MAP4K1: variants seen among roughly 807,000 people sequenced by gnomAD.
MAP4K1 encodes the protein MAPK/ERK kinase kinase kinase 1.
MAP4K1 carries 35 observed loss-of-function variants against 122.8 expected under a neutral mutation model. That is an observed-to-expected ratio of 0.29 (90% CI 0.22 to 0.38). The LOEUF is 0.38. Ranked by LOEUF, MAP4K1 falls within the 10% of genes least tolerant of loss-of-function variation. The pLI is 1.00. For missense variants in MAP4K1, 791 were observed against 1,072.6 expected, an observed-to-expected ratio of 0.74 and a Z score of 3.67; for synonymous variants, 412 against 421.3, an observed-to-expected ratio of 0.98 and a Z score of 0.27.
At chr19:38,596,638 C>T (rs1974896198) in intron 25 of MAP4K1, 152 bp from the exon 26 acceptor site, 1 of 712,592 alleles carries the variant, frequency 1.4e-6, no homozygotes, top group Non-Finnish European at 2.2e-6. Context: ...CCTGGTGCCT[C>T]CGCGGGAACG....
At chr19:38,602,617 C>T (rs1245916749) in intron 19 of MAP4K1, among the ~76,000 whole-genome samples, 1 of 147,114 alleles carries the variant, frequency 6.8e-6, no homozygotes, top group East Asian at 2.0e-4. Flanking sequence ...CATATATATA[C>T]ACATATACAT....
chr19:38,591,571 A>AT (rs1443472078), intron 30 of MAP4K1, among the ~76,000 whole-genome samples: 3 of 151,544 alleles, frequency 2.0e-5, no homozygotes, highest in Non-Finnish European at 4.4e-5. Flanking sequence ...GATAAAAGGG[A>AT]TTTTTGCAAC....
Position 38,610,037 on chromosome 19 carries a change from AAG to A in MAP4K1, c.811-14_811-13del, listed in dbSNP as rs1385647513. ...GATACCAGTTGATGCTGGCGGAGGG[AAG>A]AGGTGTCCGTATCCAGAGGGATGGT... On this transcript the variant is annotated splice_polypyrimidine_tract_variant and intron_variant, in intron 11 of 30. Coordinates refer to ENST00000396857, the MANE Select transcript of MAP4K1 (RefSeq NM_001042600.3). 2 of 1,585,650 alleles carry A rather than the reference AAG, an allele frequency of 1.3e-6. No individual in the cohort carries two copies.
chr19:38,602,439 TAC>T (rs940912659), intron 19 of MAP4K1, among the ~76,000 whole-genome samples: 149 of 146,530 alleles, frequency 1.0e-3, no homozygotes, highest in Middle Eastern at 3.5e-3. Flanking sequence ...CACATATATA[TAC>T]ACACACACAT....
At chr19:38,612,791 G>A in intron 8 of MAP4K1, 49 bp from the exon 9 acceptor site, 1 of 1,599,250 alleles carries the variant, frequency 6.3e-7, no homozygotes, top group Non-Finnish European at 8.5e-7. Flanking sequence ...GGGACAGGAA[G>A]GGAAGGAGGG....
At chr19:38,600,978 G>C (rs1246665637) in intron 20 of MAP4K1, among the ~76,000 whole-genome samples, 2 of 151,842 alleles carry the variant, frequency 1.3e-5, no homozygotes, top group African/African-American at 2.4e-5. Flanking sequence ...GCTAATTTTT[G>C]TGTTTTTAGT....
At chr19:38,590,872 G>A (rs1974706240) in intron 30 of MAP4K1, among the ~76,000 whole-genome samples, 1 of 151,904 alleles carries the variant, frequency 6.6e-6, no homozygotes, top group Non-Finnish European at 1.5e-5. Flanking sequence ...GTAACATTAT[G>A]TCCTTGCTTT....
rs1975586474 is a variant in MAP4K1, at chr19:38,614,371, T to C, written c.369+19A>G. ...CCACCCTCCCCTCCCATCCCCAGAA[T>C]CCCCAGGCCTCTCCTTACCTGGAGC... On this transcript the variant is annotated intron_variant, in intron 5 of 30. Coordinates refer to ENST00000396857, the MANE Select transcript of MAP4K1 (RefSeq NM_001042600.3). The C allele has an allele frequency of 2.5e-6, 4 of 1,596,758 alleles. No homozygotes were observed. In the African/African-American group the frequency reaches 5.4e-5, roughly 21 times the overall value.
At chr19:38,609,760 C>T in intron 12 of MAP4K1, 86 bp from the exon 13 acceptor site, 2 of 1,367,412 alleles carry the variant, frequency 1.5e-6, no homozygotes, top group Admixed American at 1.9e-5. Flanking sequence ...TCTCCTGTAA[C>T]CCTCTGGGCA....
chr19:38,607,160 G>A (rs1399961994), intron 16 of MAP4K1, among the ~76,000 whole-genome samples: 1 of 152,044 alleles, frequency 6.6e-6, no homozygotes, highest in African/African-American at 2.4e-5. Flanking sequence ...GTGGGGTCAA[G>A]TCAGAGATTG....
intron 11 of MAP4K1, 28 bp from the exon 12 acceptor site, chr19:38,610,053 CAGAGGGATGGTGTGGACAG>C (rs766328735): frequency 9.9e-6 from 15 of 1,512,762 alleles, no homozygotes; most frequent in African/African-American, 1.4e-5. Context: ...TGTCCGTATC[CAGAGGGATGGTGTGGACAG>C]AGAGGGCTGG....
chr19:38,613,346 A>AAC (rs61351479), intron 8 of MAP4K1, among the ~76,000 whole-genome samples: 1 of 149,790 alleles, frequency 6.7e-6, no homozygotes, highest in Admixed American at 6.6e-5. Context: ...AAAAAAAAAA[A>AAC]CAACACCATC....
At chr19:38,603,209 CATAT>C (rs1169713965) in intron 19 of MAP4K1, among the ~76,000 whole-genome samples, 1 of 146,286 alleles carries the variant, frequency 6.8e-6, no homozygotes, top group African/African-American at 2.5e-5. Flanking sequence ...TATACACATA[CATAT>C]ATACACATAT....
intron 25 of MAP4K1, 69 bp from the exon 26 acceptor site, chr19:38,596,555 T>TA: frequency 7.6e-7 from 1 of 1,313,170 alleles, no homozygotes; most frequent in Non-Finnish European, 1.0e-6. Flanking sequence ...GCGTGGCTTG[T>TA]AGCTGGCCTG....
intron 30 of MAP4K1, among the ~76,000 whole-genome samples, chr19:38,590,406 T>A (rs1454122113): frequency 4.2e-3 from 237 of 56,254 alleles, no homozygotes; most frequent in African/African-American, 0.011. Flanking sequence ...TATATATATA[T>A]ATATATATAT....
intron 26 of MAP4K1, 59 bp downstream of exon 26, chr19:38,596,253 C>A (rs1247400546): frequency 4.7e-6 from 7 of 1,483,074 alleles, no homozygotes; most frequent in South Asian, 1.3e-5. Flanking sequence ...GCCCCGCCTC[C>A]AGCTCCGCCC....
At chr19:38,607,049 G>A (rs1975349407) in intron 16 of MAP4K1, among the ~76,000 whole-genome samples, 1 of 152,144 alleles carries the variant, frequency 6.6e-6, no homozygotes, top group African/African-American at 2.4e-5. Context: ...AAAAGCTGAG[G>A]GCTGGGGCTG....
At position 38,617,018 on chromosome 19, in the gene MAP4K1, C is replaced by T. The variant is rs982732640; in HGVS notation, c.248+336G>A. 3.3e-5 allele frequency among the ~76,000 whole-genome samples: 5 copies of T among 151,866 alleles called. No individual in the cohort carries two copies. Among genetic ancestry groups the T allele is most frequent in the African/African-American group, 1.2e-4 (5 of 41,344 alleles). ...ATCCCAGCACTTTCGGAGGCCGAGG[C>T]GAGTGGATCACAAGGTCAGGAGTTC... On this transcript the variant is annotated intron_variant, in intron 3 of 30. Transcript: ENST00000396857. The surrounding 1 kb of genome is among the most constrained non-coding windows in gnomAD (Gnocchi z 4.1).
At position 38,617,939 on chromosome 19, in the gene MAP4K1, C is replaced by T; in HGVS notation, c.-44G>A. On this transcript the variant is annotated 5_prime_UTR_variant, in exon 1 of 31. Coordinates refer to ENST00000396857, the MANE Select transcript of MAP4K1 (RefSeq NM_001042600.3). This position sits in a 1 kb window ranked among gnomAD's most constrained non-coding sequence, Gnocchi z 4.1. ...GGCCTGCGCCCAGGGGCCAGCAGGG[C>T]CTCAGGGCTCAACTTCTGGCACCTC... is the stretch of plus-strand genomic sequence containing the variant. The T allele has an allele frequency of 6.5e-7, 1 of 1,548,118 alleles. No homozygotes were observed.
Sources: gnomAD v4.1 joint callset for allele counts (sites outside exome capture counted in the v4.1 genomes callset) on GRCh38, gnomAD v4.1.1 for gene constraint, Gnocchi (gnomAD v3.1) non-coding constraint, MANE v1.5 for transcripts, NCBI Gene and HGNC (gene_info 2026-07-23, HGNC 2026-07-21) for gene names.